Variants in NEB observed in about 807,000 individuals in gnomAD.
NEB encodes the protein nebulin, also known as nemaline myopathy type 2.
Under a neutral mutation model 952.2 loss-of-function variants are expected in NEB, and 512 were observed. The ratio of observed to expected loss-of-function variants is 0.54; its 90% CI spans 0.50 to 0.58. The LOEUF (loss-of-function observed/expected upper bound fraction) is 0.58. Among genes scored for constraint, NEB ranks in the 20% least tolerant of loss-of-function variants. The probability of loss-of-function intolerance (pLI) is 0.00; values close to 1 mark genes in which losing one functional copy is unlikely to be tolerated. For missense variants in NEB, 8,428 were observed against 9,231.1 expected (o/e 0.91, Z 3.56); for synonymous variants, 2,900 against 3,149.8 (o/e 0.92, Z 2.66).
At chr2:151,646,513 A>G (rs890893533) in intron 54 of NEB, among the ~76,000 whole-genome samples, 1 of 152,226 alleles carries the variant, frequency 6.6e-6, no homozygotes, top group Non-Finnish European at 1.5e-5. Flanking sequence ...AATATTATCA[A>G]ATGAAACAGG....
intron 7 of NEB, 109 bp downstream of exon 7, chr2:151,724,748 C>T (rs928986505): frequency 1.5e-5 from 12 of 812,572 alleles, no homozygotes; most frequent in Non-Finnish European, 2.2e-5. Context: ...CTCACACTGC[C>T]CATGAGGCTG....
In NEB at chr2:151,711,878, G is replaced by C. The variant is rs1402297885; in HGVS notation, c.823-1340C>G. On this transcript the variant is annotated intron_variant, in intron 10 of 181. Transcript: ENST00000397345. ...AAAGAAAATTGTATGTGCGGGGAGG[G>C]AACAACTCTTCAATGGAAATCTTTG... Among the ~76,000 whole-genome samples, 3 of 152,124 alleles carry C rather than the reference G, an allele frequency of 2.0e-5. No homozygotes were observed. The East Asian group carries it at 5.8e-4, about 29-fold the overall frequency.
In NEB at chr2:151,561,066, T is replaced by C. The variant is rs888985103; in HGVS notation, c.19144A>G (p.Thr6382Ala). The C allele has an allele frequency of 6.2e-7, 1 of 1,607,462 alleles. No homozygotes were observed. Among genetic ancestry groups the C allele is most frequent in the Non-Finnish European group, 8.5e-7 (1 of 1,175,820 alleles). The change falls in exon 123 of 182, where the codon ACA becomes GCA. Residue 6382 changes from threonine (T) to alanine (A), a missense_variant. This residue lies in a region of NEB where 3,374 missense variants were observed against 3,651.5 expected (regional missense o/e 0.92). Coordinates refer to ENST00000397345, the MANE Select transcript of NEB (RefSeq NM_001164508.2). Reference sequence around the variant, plus strand: ...TAATCCACTGTTTCTAGAACTGTTGTGTATTTGTCCTTAATCTGATGATAA... The same window carrying C: ...TAATCCACTGTTTCTAGAACTGTTGCGTATTTGTCCTTAATCTGATGATAA... ...ENYHQIKDKY[T>A]TVLETVDYDR...
intron 2 of NEB, among the ~76,000 whole-genome samples, 175 bp from the exon 3 acceptor site, chr2:151,733,360 A>G (rs1054100831): frequency 1.3e-5 from 2 of 152,218 alleles, no homozygotes; most frequent in African/African-American, 2.4e-5. Context: ...AGAAGCTTCA[A>G]ATTTCTTTCT....
intron 13 of NEB, 103 bp from the exon 14 acceptor site, chr2:151,697,751 T>A: frequency 1.3e-6 from 1 of 790,692 alleles, no homozygotes; most frequent in Non-Finnish European, 2.0e-6. Context: ...AGAAAAGATA[T>A]CGCCTGTCAA....
At chr2:151,592,361 TTC>T (rs2097313262) in intron 94 of NEB, among the ~76,000 whole-genome samples, 1 of 138,066 alleles carries the variant, frequency 7.2e-6, no homozygotes, top group African/African-American at 2.6e-5. Context: ...AAATGAAAAG[TTC>T]TTTTTGGATG....
intron 171 of NEB, chr2:151,497,415 A>G: frequency 1.0e-6 from 1 of 977,428 alleles, no homozygotes; most frequent in Non-Finnish European, 1.2e-6. Context: ...TGAAAATACC[A>G]GATGAAATAA....
At chr2:151,660,839 G>A (rs1356274959) in intron 46 of NEB, among the ~76,000 whole-genome samples, 2 of 152,194 alleles carry the variant, frequency 1.3e-5, no homozygotes, top group South Asian at 2.1e-4. Flanking sequence ...TTTCTGTAAT[G>A]ATGGAAATGT....
At chr2:151,719,816 T>G (rs1227642219) in intron 9 of NEB, among the ~76,000 whole-genome samples, 1 of 145,682 alleles carries the variant, frequency 6.9e-6, no homozygotes, top group Non-Finnish European at 1.5e-5. Context: ...GAGGTGGAGG[T>G]TGCAATAAGC....
chr2:151,630,617 G>C, intron 67 of NEB, 98 bp downstream of exon 67: 4 of 896,490 alleles, frequency 4.5e-6, no homozygotes, highest in East Asian at 2.7e-5. Context: ...TTAAATGAAA[G>C]AGCCACATGC....
chr2:151,662,981 G>A (rs1201355904), intron 45 of NEB, among the ~76,000 whole-genome samples: 1 of 152,102 alleles, frequency 6.6e-6, no homozygotes, highest in African/African-American at 2.4e-5. Context: ...CGTCTGCTTT[G>A]GGTTTGTAAC....
In NEB at chr2:151,666,213, A is replaced by G. The variant is rs747601206; in HGVS notation, c.4908T>C (p.Ala1636=). ...HTPLDMVSVT[A]AKKSQEVATN... ...TGGCAACCTCCTGAGATTTCTTTGC[A>G]GCTGTCACACTGACCATATCCAGAG... The change falls in exon 41 of 182, where the codon GCT becomes GCC. Residue 1636 remains alanine, a synonymous_variant. Coordinates refer to ENST00000397345, the MANE Select transcript of NEB (RefSeq NM_001164508.2). 13 of 1,613,938 alleles carry G rather than the reference A, an allele frequency of 8.1e-6. No homozygotes were observed. The highest frequency in any genetic ancestry group is 1.1e-5 in the Non-Finnish European group (13 of 1,179,860).
intron 169 of NEB, among the ~76,000 whole-genome samples, chr2:151,499,000 C>T (rs2153010578): frequency 6.6e-6 from 1 of 150,566 alleles, no homozygotes; most frequent in East Asian, 2.0e-4. Flanking sequence ...TTTGTTTAAG[C>T]TTTAGGTTCA....
intron 170 of NEB, 37 bp downstream of exon 170, chr2:151,498,218 CTGAAG>C: frequency 6.5e-7 from 1 of 1,550,156 alleles, no homozygotes; most frequent in East Asian, 2.4e-5. Context: ...CAGTTTAATT[CTGAAG>C]TTAAGTGGCA....
Position 151,662,196 on chromosome 2 carries a change from G to C in NEB, c.5909C>G (p.Ser1970Cys). 6.2e-7 allele frequency: 1 copy of C among 1,613,584 alleles called. No homozygotes were observed. The highest frequency in any genetic ancestry group is 8.5e-7 in the Non-Finnish European group (1 of 1,179,668). ...YRQHPDTLKY[S>C]TLMDSMNMVL... ...CATGTTCATCGAGTCCATGAGTGTG[G>C]AATACTTCAAAGTGTCTGGGTGCTG... The change falls in exon 46 of 182, where the codon TCC becomes TGC. Residue 1970 changes from serine (S) to cysteine (C), a missense_variant. Transcript: ENST00000397345.
At chr2:151,660,731 C>A (rs141892461) in intron 46 of NEB, among the ~76,000 whole-genome samples, 3 of 152,166 alleles carry the variant, frequency 2.0e-5, no homozygotes, top group African/African-American at 7.2e-5. Flanking sequence ...AGAGACCACA[C>A]GCCAACAAAC....
Position 151,609,844 on chromosome 2 carries a change from T to C in NEB, c.12295A>G (p.Ile4099Val), listed in dbSNP as rs1485282633. The change falls in exon 81 of 182, where the codon ATC (isoleucine) becomes GTC (valine). Residue 4099 changes from isoleucine (I) to valine (V), a missense_variant. Transcript: ENST00000397345. ...WTCMPDQNDIIQAKKAYDLQS... is the reference protein window; with the variant it reads ...WTCMPDQNDIVQAKKAYDLQS... Reference sequence around the variant, plus strand: ...AGGTCATAGGCCTTTTTTGCTTGGATAATGTCGTTTTGATCCGGCATGCAT... The same window carrying C: ...AGGTCATAGGCCTTTTTTGCTTGGACAATGTCGTTTTGATCCGGCATGCAT... 7 of 1,604,008 alleles carry C rather than the reference T, an allele frequency of 4.4e-6. No homozygotes were observed. In the African/African-American group the frequency reaches 8.0e-5, roughly 18 times the overall value.
chr2:151,491,719 C>CT lies in NEB; in HGVS notation c.25113dup (p.Asp8372ArgfsTer12). ...TGTAAGCTTCGGGACTGGATGTTGT[C>CT]TTCTGCTGGATCATAGTCAAAAACC... On this transcript the variant is annotated frameshift_variant, in exon 179 of 182. Transcript: ENST00000397345. LOFTEE classifies it high-confidence loss of function. 1 of 1,598,586 alleles carries CT rather than the reference C, an allele frequency of 6.3e-7. No individual in the cohort carries two copies. The highest frequency in any genetic ancestry group is 8.5e-7 in the Non-Finnish European group (1 of 1,172,150).
Position 151,640,502 on chromosome 2 carries a change from T to C in NEB, c.8538A>G (p.Pro2846=). Residue 2846 remains proline, a synonymous_variant, in exon 61 of 182, where the codon CCA becomes CCG. Transcript: ENST00000397345. ...FEKWKTKFSS[P]VDMLGVVLAK... ...CCAGCACCACCCCCAGCATGTCCAC[T>C]GGGCTGCTGAACTTGGTCTTCCACT... The C allele has an allele frequency of 6.2e-7, 1 of 1,613,960 alleles. No individual in the cohort carries two copies. Among genetic ancestry groups the C allele is most frequent in the Non-Finnish European group, 8.5e-7 (1 of 1,179,878 alleles).
Sources: allele counts gnomAD v4.1 joint callset (sites outside exome capture counted in the v4.1 genomes callset), GRCh38; gene constraint gnomAD v4.1.1; regional missense constraint gnomAD v4.1.1; transcripts MANE v1.5; gene names NCBI Gene and HGNC (gene_info 2026-07-23, HGNC 2026-07-21).